The following SEL1L3 variants were observed in gnomAD, a reference collection of about 807,000 sequenced individuals.
SEL1L3 encodes the protein protein sel-1 homolog 3.
In SEL1L3, 76 loss-of-function variants were observed where a neutral mutation model predicts 142.8. The observed-to-expected ratio is 0.53, with a 90% CI of 0.44 to 0.64. The LOEUF (loss-of-function observed/expected upper bound fraction) is 0.64, where lower values mean the gene tolerates loss of function less well. Among genes scored for constraint, SEL1L3 ranks in the 30% least tolerant of loss-of-function variants. SEL1L3 has a pLI of 0.00. For missense variants in SEL1L3, 1,262 were observed against 1,381.7 expected (o/e 0.91, Z 1.37); for synonymous variants, 504 against 519.6 (o/e 0.97, Z 0.41).
intron 2 of SEL1L3, among the ~76,000 whole-genome samples, chr4:25,836,867 T>G (rs145947277): frequency 0.023 from 3,527 of 152,200 alleles, 66 homozygotes; most frequent in Non-Finnish European, 0.031. Flanking sequence ...ATAAAAAGTT[T>G]TATTATATAG....
intron 10 of SEL1L3, among the ~76,000 whole-genome samples, chr4:25,804,338 A>T (rs574676266): frequency 6.6e-6 from 1 of 152,294 alleles, no homozygotes; most frequent in African/African-American, 2.4e-5. Flanking sequence ...GCCTGTCTAG[A>T]AATGGATGAA....
At chr4:25,754,860 C>T (rs1337832667) in intron 23 of SEL1L3, among the ~76,000 whole-genome samples, 1 of 151,572 alleles carries the variant, frequency 6.6e-6, no homozygotes, top group East Asian at 1.9e-4. Flanking sequence ...TTTTTATTTC[C>T]CCTTTATATT....
intron 23 of SEL1L3, among the ~76,000 whole-genome samples, chr4:25,754,722 C>G (rs982002357): frequency 6.6e-6 from 1 of 152,100 alleles, no homozygotes; most frequent in Non-Finnish European, 1.5e-5. Context: ...CCTACTGAAC[C>G]AAAATCTACT....
intron 9 of SEL1L3, among the ~76,000 whole-genome samples, chr4:25,806,850 T>A (rs1424014493): frequency 1.3e-5 from 2 of 151,132 alleles, no homozygotes; most frequent in Non-Finnish European, 1.5e-5. Flanking sequence ...AAATAACAGC[T>A]TGTCGTAAAA....
intron 9 of SEL1L3, among the ~76,000 whole-genome samples, chr4:25,815,521 A>T (rs1290742773): frequency 6.6e-6 from 1 of 152,214 alleles, no homozygotes; most frequent in Non-Finnish European, 1.5e-5. Flanking sequence ...GTATTTACTT[A>T]AAAAAGAATG....
chr4:25,797,634 A>G (rs926219093), intron 11 of SEL1L3, among the ~76,000 whole-genome samples: 1 of 152,102 alleles, frequency 6.6e-6, no homozygotes, highest in East Asian at 1.9e-4. Flanking sequence ...GCCATCAAGA[A>G]CGAAACACGG....
intron 2 of SEL1L3, among the ~76,000 whole-genome samples, chr4:25,844,519 CT>C (rs1716389457): frequency 6.6e-6 from 1 of 152,120 alleles, no homozygotes; most frequent in South Asian, 2.1e-4. Context: ...GTTCCTAAGC[CT>C]TGTGAATATG....
At position 25,819,825 on chromosome 4, in the gene SEL1L3, C is replaced by T; in HGVS notation, c.1406G>A (p.Gly469Asp). Residue 469 changes from glycine (G) to aspartate (D), a missense_variant, in exon 8 of 24, where the codon GGC becomes GAC. Gly to Asp is a moderately conservative substitution (Grantham distance 94, BLOSUM62 -1). Transcript: ENST00000399878. ...SVYASAAKHG[G>D]ERQEACHLHN... is the part of the protein sequence containing the mutation. ...ACACTTACATGCTTCTTGTCTCTCG[C>T]CCCCGTGCTTTGCTGCAGATGCATA... 4.3e-6 allele frequency: 7 copies of T among 1,612,132 alleles called. No individual in the cohort carries two copies. Among genetic ancestry groups the T allele is most frequent in the Middle Eastern group, 3.3e-4 (2 of 6,058 alleles).
At chr4:25,858,589 T>C (rs1717433350) in intron 1 of SEL1L3, among the ~76,000 whole-genome samples, 1 of 151,948 alleles carries the variant, frequency 6.6e-6, no homozygotes, top group Admixed American at 6.6e-5. Context: ...TGTTTGTTTG[T>C]TTGTTTGTTT....
chr4:25,825,663 T>C (rs1032916759), intron 6 of SEL1L3, among the ~76,000 whole-genome samples: 7 of 142,454 alleles, frequency 4.9e-5, no homozygotes, highest in Non-Finnish European at 1.1e-4. Context: ...TGGTCTAAAT[T>C]CTATTTTTTT....
chr4:25,729,769 G>A, the SEL1L3 span, among the ~76,000 whole-genome samples: 3 of 152,106 alleles, frequency 2.0e-5, no homozygotes, highest in Non-Finnish European at 4.4e-5. Context: ...CATAAAACCC[G>A]GTCCACCCTT....
At chr4:25,774,411 C>T (rs1479277122) in intron 17 of SEL1L3, among the ~76,000 whole-genome samples, 1 of 152,066 alleles carries the variant, frequency 6.6e-6, no homozygotes, top group East Asian at 1.9e-4. Context: ...TCTCCTTCCC[C>T]CAACCAACCA....
rs1182648428 is a variant in SEL1L3, at chr4:25,748,529, G to T, written c.3295C>A (p.Pro1099Thr). ...DPPPRPSQAS[P>T]DTATSTASPA... The stretch of plus-strand genomic sequence containing the variant: ...CTTGCAGTGGACGTGGCAGTGTCTG[G>T]GGAGGCCTGGGATGGTCTTGGAGGG... The change falls in exon 24 of 24, where the codon CCA (proline) becomes ACA (threonine). Residue 1099 changes from proline to threonine, a missense_variant. Around this residue, in one of 3 missense-constraint regions of SEL1L3, gnomAD observed 138 missense variants for 129.7 expected, o/e 1.06. Transcript: ENST00000399878. The T allele has an allele frequency of 6.2e-7, 1 of 1,611,618 alleles. No homozygotes were observed. Among genetic ancestry groups the T allele is most frequent in the South Asian group, 1.1e-5 (1 of 90,214 alleles).
At chr4:25,814,957 TC>T (rs1323103173) in intron 9 of SEL1L3, among the ~76,000 whole-genome samples, 1 of 152,024 alleles carries the variant, frequency 6.6e-6, no homozygotes, top group African/African-American at 2.4e-5. Context: ...TGCAGAAGGC[TC>T]CCCAGTCCTT....
At chr4:25,729,639 G>A in the SEL1L3 span, among the ~76,000 whole-genome samples, 1 of 152,176 alleles carries the variant, frequency 6.6e-6, no homozygotes, top group East Asian at 1.9e-4. Flanking sequence ...GCTGGAACCT[G>A]GAAGGTGGAG....
intron 23 of SEL1L3, among the ~76,000 whole-genome samples, chr4:25,752,418 G>GA (rs76936235): frequency 0.079 from 7,772 of 98,752 alleles, 1,050 homozygotes; most frequent in African/African-American, 0.29. Flanking sequence ...CTCCATCTCC[G>GA]AAAAAAAAAA....
At chr4:25,744,999 T>A (rs561254619), downstream of SEL1L3, among the ~76,000 whole-genome samples, 17 of 151,734 alleles carry the variant, frequency 1.1e-4, no homozygotes, top group African/African-American at 4.1e-4. Context: ...CCCAGCAAAC[T>A]AATACATTAG....
the SEL1L3 span, among the ~76,000 whole-genome samples, chr4:25,725,970 C>A: frequency 6.6e-6 from 1 of 152,010 alleles, no homozygotes; most frequent in African/African-American, 2.4e-5. Context: ...TCCTCGTGAC[C>A]GGTATCTTGT....
At chr4:25,861,296 T>A (rs920343519) in intron 1 of SEL1L3, among the ~76,000 whole-genome samples, 2 of 152,252 alleles carry the variant, frequency 1.3e-5, no homozygotes, top group African/African-American at 4.8e-5. Context: ...ATATCATTCA[T>A]GTTAACTGAC....
Sources: allele counts gnomAD v4.1 joint callset (sites outside exome capture counted in the v4.1 genomes callset), GRCh38; gene constraint gnomAD v4.1.1; regional missense constraint gnomAD v4.1.1; transcripts MANE v1.5; gene names NCBI Gene and HGNC (gene_info 2026-07-23, HGNC 2026-07-21).